Variants in IFITM10 observed in about 807,000 individuals in gnomAD.
IFITM10 encodes interferon-induced transmembrane protein 10.
A neutral mutation model predicts 19.0 loss-of-function variants in IFITM10; 17 were observed. The ratio of observed to expected loss-of-function variants is 0.90; its 90% CI spans 0.61 to 1.34. IFITM10 has a LOEUF of 1.34. Ranked by LOEUF, IFITM10 falls within the 40% of genes most tolerant of loss-of-function variation. The pLI, the probability that IFITM10 is intolerant of heterozygous loss-of-function variation, is 0.00. For synonymous variants in IFITM10, 148 were observed against 147.2 expected (o/e 1.01, Z -0.04); for missense variants, 306 against 319.8 (o/e 0.96, Z 0.33).
At chr11:1,739,876 A>G (rs768360627) in intron 2 of IFITM10, among the ~76,000 whole-genome samples, 1 of 152,186 alleles carries the variant, frequency 6.6e-6, no homozygotes, top group Non-Finnish European at 1.5e-5. Context: ...AGAGAAGGGG[A>G]GGACATACGG....
intron 1 of IFITM10, chr11:1,748,575 T>G: frequency 8.4e-5 from 13 of 154,774 alleles, no homozygotes; most frequent in Non-Finnish European, 1.6e-4. Flanking sequence ...GGACACCCGA[T>G]ACCGCCACGG....
At chr11:1,743,544 G>A (rs950479191) in intron 2 of IFITM10, among the ~76,000 whole-genome samples, 2 of 150,852 alleles carry the variant, frequency 1.3e-5, no homozygotes, top group African/African-American at 4.8e-5. Flanking sequence ...GATGGATGGA[G>A]GATGGGAAAG....
At chr11:1,746,292 T>G (rs949963745) in intron 2 of IFITM10, 2 of 338,202 alleles carry the variant, frequency 5.9e-6, no homozygotes, top group Non-Finnish European at 5.3e-6. Flanking sequence ...ACATATGCAT[T>G]CACATGTACA....
chr11:1,747,902 G>A lies in IFITM10; in HGVS notation c.302C>T (p.Pro101Leu). Reference protein sequence around the residue: ...PEPSASPPMAPTLFPMESKSS... With the variant: ...PEPSASPPMALTLFPMESKSS... ...CTTGGACTCCATGGGGAACAGTGTG[G>A]GCGCCATCGGGGGAGAGGCCGAGGG... Residue 101 changes from proline to leucine, a missense_variant, in exon 2 of 3, where the codon CCC (proline) becomes CTC (leucine). By Grantham distance (98) the Pro-to-Leu change is moderately conservative. Coordinates refer to ENST00000340134, the MANE Select transcript of IFITM10 (RefSeq NM_001170820.4). The A allele has an allele frequency of 6.6e-7, 1 of 1,507,078 alleles. No homozygotes were observed. Among genetic ancestry groups the A allele is most frequent in the Non-Finnish European group, 8.9e-7 (1 of 1,123,326 alleles). 93.4% of individuals were successfully genotyped at this position (1,507,078 alleles called of 1,614,324 possible).
In IFITM10 at chr11:1,733,015, G is replaced by C. The variant is rs961711354; in HGVS notation, c.*2265C>G. On this transcript the variant is annotated 3_prime_UTR_variant, in exon 3 of 3. Coordinates refer to ENST00000340134, the MANE Select transcript of IFITM10 (RefSeq NM_001170820.4). This position sits in a 1 kb window ranked among gnomAD's most constrained non-coding sequence, Gnocchi z 6.3. Reference sequence around the variant, plus strand: ...GGAAGACACCTGGACACTGGGGTTGGCCTTAGCTGCCCCAGGAACTAGAAG... The same window carrying C: ...GGAAGACACCTGGACACTGGGGTTGCCCTTAGCTGCCCCAGGAACTAGAAG... 6.6e-6 allele frequency: 1 copy of C among 152,268 alleles called. No individual in the cohort carries two copies. Among genetic ancestry groups the C allele is most frequent in the Admixed American group, 6.5e-5 (1 of 15,274 alleles). The allele number at this position is 152,268 out of a possible 1,614,324, so 9.4% of individuals were successfully genotyped here.
chr11:1,747,816 C>A lies in IFITM10; in HGVS notation c.388G>T (p.Glu130Ter). 6.5e-7 allele frequency: 1 copy of A among 1,549,660 alleles called. No individual in the cohort carries two copies. Among genetic ancestry groups the A allele is most frequent in the East Asian group, 2.4e-5 (1 of 40,900 alleles). ...GTGGGGTTGGTCATCGTCTTCTTCT[C>A]GGCTAGGTGCTTGCAGGCAGGGGGC... ...GAPPACKHLAEKKTMTNPTTV... is the reference protein window; with the variant it reads ...GAPPACKHLA The change falls in exon 2 of 3, where the codon GAG becomes TAG. Residue 130 changes from glutamate (E) to a stop codon, truncating the protein, a stop_gained. Coordinates refer to ENST00000340134, the MANE Select transcript of IFITM10 (RefSeq NM_001170820.4). LOFTEE classifies it high-confidence loss of function.
In IFITM10 at chr11:1,748,033, G is replaced by T; in HGVS notation, c.171C>A (p.Asp57Glu). 2.1e-6 allele frequency: 3 copies of T among 1,427,200 alleles called. No individual in the cohort carries two copies. In the South Asian group the frequency reaches 4.5e-5, roughly 21 times the overall value. 88.4% of individuals were successfully genotyped at this position (1,427,200 alleles called of 1,614,324 possible). A position where few individuals can be genotyped will look rare whatever the true frequency, so the allele number is the denominator to read the frequency against. Residue 57 changes from aspartate to glutamate, a missense_variant, in exon 2 of 3, where the codon GAC becomes GAA. Asp to Glu is a conservative substitution (Grantham distance 45). Coordinates refer to ENST00000340134, the MANE Select transcript of IFITM10 (RefSeq NM_001170820.4). ...DGAQEARVPLDGAFWIPRPPA... is the reference protein window; with the variant it reads ...DGAQEARVPLEGAFWIPRPPA... Reference sequence around the variant, plus strand: ...GGGGCCTCGGAATCCAGAAGGCCCCGTCCAGGGGGACTCGGGCTTCCTGGG... The same window carrying T: ...GGGGCCTCGGAATCCAGAAGGCCCCTTCCAGGGGGACTCGGGCTTCCTGGG...
At chr11:1,744,678 C>T (rs758931049) in intron 2 of IFITM10, 67 of 152,496 alleles carry the variant, frequency 4.4e-4, no homozygotes, top group Non-Finnish European at 7.3e-4. Flanking sequence ...TGGATGGACA[C>T]GTGGGGGCAG....
rs188529062 is a variant in IFITM10, at chr11:1,740,070, G to A, written c.538-4641C>T. On this transcript the variant is annotated intron_variant, in intron 2 of 2. Transcript: ENST00000340134. ...TAATCCCAGCACTTTGGGAGGCCAA[G>A]GCAGGCAGATCATGAGGTCAGAAGT... is the stretch of plus-strand genomic sequence containing the variant. 4.9e-3 allele frequency among the ~76,000 whole-genome samples: 743 copies of A among 152,300 alleles called. 6 individuals are homozygous for A. Among genetic ancestry groups the A allele is most frequent in the African/African-American group, 0.017 (695 of 41,554 alleles).
chr11:1,735,976 G>A (rs754863609), intron 2 of IFITM10, among the ~76,000 whole-genome samples: 9 of 152,144 alleles, frequency 5.9e-5, no homozygotes, highest in East Asian at 1.9e-4. Context: ...ATATTAAGGC[G>A]AAAGGAGTGG....
intron 2 of IFITM10, among the ~76,000 whole-genome samples, chr11:1,747,389 G>C (rs1471811142): frequency 6.7e-6 from 1 of 149,288 alleles, no homozygotes; most frequent in East Asian, 2.0e-4. Flanking sequence ...CCCTCCTGCA[G>C]GTTCCGCTGA....
chr11:1,739,142 T>C (rs1190113694), intron 2 of IFITM10, among the ~76,000 whole-genome samples: 9 of 149,344 alleles, frequency 6.0e-5, no homozygotes, highest in Admixed American at 6.0e-4. Context: ...TAGGAACGGA[T>C]GCCAGACTGG....
chr11:1,736,800 G>C (rs1851092110), intron 2 of IFITM10, among the ~76,000 whole-genome samples: 2 of 149,374 alleles, frequency 1.3e-5, no homozygotes, highest in Admixed American at 6.6e-5. Context: ...GGAGTGGAGT[G>C]AATGGAACGG....
At chr11:1,749,465 G>T (rs1244017768) in intron 1 of IFITM10, among the ~76,000 whole-genome samples, 2 of 150,020 alleles carry the variant, frequency 1.3e-5, no homozygotes, top group East Asian at 4.0e-4. Context: ...CAGCCCCGTG[G>T]AAGACTGGAC....
chr11:1,749,140 G>A lies in IFITM10; in HGVS notation c.85-1021C>T, dbSNP rs966987345. 3 of 991,592 alleles carry A rather than the reference G, an allele frequency of 3.0e-6. No homozygotes were observed. In the East Asian group the frequency reaches 3.4e-4, roughly 111 times the overall value. 61.4% of individuals were successfully genotyped at this position (991,592 alleles called of 1,614,324 possible). On this transcript the variant is annotated intron_variant, in intron 1 of 2. Coordinates refer to ENST00000340134, the MANE Select transcript of IFITM10 (RefSeq NM_001170820.4). ...CAGCGGCCCAACCTTGAGGGGGTGGGGAGCGCGCGGGGCTCGGCGGCGGCG... is the reference window on the plus strand; with the variant it reads ...CAGCGGCCCAACCTTGAGGGGGTGGAGAGCGCGCGGGGCTCGGCGGCGGCG...
intron 2 of IFITM10, among the ~76,000 whole-genome samples, chr11:1,743,654 C>T (rs1554961343): frequency 2.0e-5 from 3 of 152,038 alleles, no homozygotes; most frequent in African/African-American, 4.8e-5. Flanking sequence ...TCTTTCTGAC[C>T]GCCCTGTCAC....
chr11:1,747,694 G>C lies in IFITM10; in HGVS notation c.510C>G (p.Gly170=). 4 of 1,551,800 alleles carry C rather than the reference G, an allele frequency of 2.6e-6. No individual in the cohort carries two copies. Among genetic ancestry groups the C allele is most frequent in the Non-Finnish European group, 3.5e-6 (4 of 1,146,978 alleles). The stretch of plus-strand genomic sequence containing the variant: ...TGAGGGAGTAGGCCAAGGCGATGAA[G>C]CCCAGGCAGCAGAAGTTGAGGTAGA... ...NFVYLNFCCL[G]FIALAYSLKV... is the part of the protein sequence containing the mutation. The change falls in exon 2 of 3, where the codon GGC becomes GGG. Residue 170 remains glycine, a synonymous_variant. Transcript: ENST00000340134.
In IFITM10 at chr11:1,735,742, T is replaced by C. The variant is rs1851080352; in HGVS notation, c.538-313A>G. The stretch of plus-strand genomic sequence containing the variant: ...TAAAATGTTAAAAAATTGGGGCAAC[T>C]GGGTGAAGGATATAAAGAAATTCCT... On this transcript the variant is annotated intron_variant, in intron 2 of 2. Transcript: ENST00000340134. Among the ~76,000 whole-genome samples the C allele has an allele frequency of 2.0e-5, 3 of 152,306 alleles. No individual in the cohort carries two copies. In the South Asian group the frequency reaches 6.2e-4, roughly 32 times the overall value.
Position 1,734,689 on chromosome 11 carries a change from T to G in IFITM10, c.*591A>C, listed in dbSNP as rs1430724494. 6.6e-6 allele frequency: 1 copy of G among 152,582 alleles called. No homozygotes were observed. Among genetic ancestry groups the G allele is most frequent in the Non-Finnish European group, 1.5e-5 (1 of 68,376 alleles). The allele number at this position is 152,582 out of a possible 1,614,324, so 9.5% of individuals were successfully genotyped here. Reference sequence around the variant, plus strand: ...ATGGAGCAGACCGTCCCCTGCAGTCTGTTGGGACACAGCACCCGGGGCCCT... The same window carrying G: ...ATGGAGCAGACCGTCCCCTGCAGTCGGTTGGGACACAGCACCCGGGGCCCT... On this transcript the variant is annotated 3_prime_UTR_variant, in exon 3 of 3. Transcript: ENST00000340134.
Sources: gnomAD v4.1 joint callset for allele counts (sites outside exome capture counted in the v4.1 genomes callset) on GRCh38, gnomAD v4.1.1 for gene constraint, Gnocchi (gnomAD v3.1) non-coding constraint, MANE v1.5 for transcripts, NCBI Gene and HGNC (gene_info 2026-07-23, HGNC 2026-07-21) for gene names.